NXPE2: variants seen among roughly 807,000 people sequenced by gnomAD.
NXPE2 encodes NXPE family member 2.
In NXPE2, 34 loss-of-function variants were observed where a neutral mutation model predicts 34.4. That is an observed-to-expected ratio of 0.99 (90% CI 0.75 to 1.31). NXPE2 has a LOEUF of 1.31. Ranked by LOEUF, NXPE2 falls within the 40% of genes most tolerant of loss-of-function variation. The pLI is 0.00. For synonymous variants in NXPE2, 235 were observed against 231.3 expected (o/e 1.02, Z -0.15); for missense variants, 649 against 672.5 (o/e 0.97, Z 0.39).
At chr11:114,544,635 C>T in the NXPE2 span, among the ~76,000 whole-genome samples, 3 of 152,106 alleles carry the variant, frequency 2.0e-5, no homozygotes, top group Non-Finnish European at 4.4e-5. Flanking sequence ...AGAAAACACA[C>T]ATGAAAATCT....
At chr11:114,632,516 A>G in the NXPE2 span, among the ~76,000 whole-genome samples, 5 of 123,926 alleles carry the variant, frequency 4.0e-5, no homozygotes, top group African/African-American at 1.5e-4. Context: ...TTTATTTTAT[A>G]TTATATTTTG....
At chr11:114,672,594 A>G in the NXPE2 span, among the ~76,000 whole-genome samples, 1 of 152,086 alleles carries the variant, frequency 6.6e-6, no homozygotes, top group East Asian at 1.9e-4. Context: ...CTTTACATTT[A>G]ATGATACAAG....
At chr11:114,616,009 A>G in the NXPE2 span, among the ~76,000 whole-genome samples, 814 of 151,762 alleles carry the variant, frequency 5.4e-3, 45 homozygotes, top group African/African-American at 0.018. Context: ...CCAGTGGATA[A>G]TAAGTATTGC....
intron 2 of NXPE2, 127 bp downstream of exon 2, chr11:114,679,889 G>A: frequency 1.7e-6 from 1 of 590,870 alleles, no homozygotes; most frequent in African/African-American, 1.9e-5. Flanking sequence ...TGGATCAGGG[G>A]TTCACTGTTC....
the NXPE2 span, among the ~76,000 whole-genome samples, chr11:114,623,624 C>T: frequency 6.6e-6 from 1 of 152,052 alleles, no homozygotes; most frequent in African/African-American, 2.4e-5. Context: ...CCGTTTTACC[C>T]ACTGGATAAT....
At chr11:114,475,246 T>C in the NXPE2 span, among the ~76,000 whole-genome samples, 1 of 83,350 alleles carries the variant, frequency 1.2e-5, no homozygotes, top group African/African-American at 5.8e-5. Flanking sequence ...TTTTTTTTTT[T>C]TTTTTTTTTT....
At chr11:114,620,865 G>C in the NXPE2 span, among the ~76,000 whole-genome samples, 6 of 152,024 alleles carry the variant, frequency 3.9e-5, no homozygotes, top group African/African-American at 1.4e-4. Flanking sequence ...ACTGTTACCC[G>C]ATGGATAATA....
the NXPE2 span, among the ~76,000 whole-genome samples, chr11:114,604,627 CT>C: frequency 2.0e-5 from 3 of 151,982 alleles, no homozygotes; most frequent in South Asian, 2.1e-4. Flanking sequence ...TAAGTATTGC[CT>C]TGTGGGTAAC....
intron 2 of NXPE2, among the ~76,000 whole-genome samples, chr11:114,687,444 G>C (rs1218539426): frequency 3.3e-5 from 5 of 151,890 alleles, no homozygotes; most frequent in African/African-American, 1.2e-4. Flanking sequence ...TTTATTCCAG[G>C]GGTCTCAATT....
the NXPE2 span, among the ~76,000 whole-genome samples, chr11:114,544,453 T>A: frequency 6.6e-6 from 1 of 152,180 alleles, no homozygotes; most frequent in Non-Finnish European, 1.5e-5. Context: ...ATTTTTGACA[T>A]AGGCACAAAG....
the NXPE2 span, among the ~76,000 whole-genome samples, chr11:114,639,851 AATATATATTATATTTT>A: frequency 1.0e-5 from 1 of 99,512 alleles, no homozygotes; most frequent in South Asian, 3.1e-4. Flanking sequence ...TATAAAATAT[AATATATATTATATTTT>A]ATATTAAATA....
At chr11:114,722,395 A>G in the NXPE2 span, among the ~76,000 whole-genome samples, 1 of 150,970 alleles carries the variant, frequency 6.6e-6, no homozygotes, top group Non-Finnish European at 1.5e-5. Context: ...GCCATGTGGA[A>G]CTGTGAATCA....
At chr11:114,527,444 C>T in the NXPE2 span, among the ~76,000 whole-genome samples, 25 of 152,244 alleles carry the variant, frequency 1.6e-4, no homozygotes, top group African/African-American at 5.8e-4. Context: ...CAGATGAAAG[C>T]TCCATATAAA....
At chr11:114,676,541 A>G (rs1251598391), upstream of NXPE2, among the ~76,000 whole-genome samples, 1 of 152,054 alleles carries the variant, frequency 6.6e-6, no homozygotes, top group Admixed American at 6.6e-5. Context: ...GGAAAATGCA[A>G]ATTAAAACTA....
At chr11:114,535,454 G>A in the NXPE2 span, among the ~76,000 whole-genome samples, 1 of 152,086 alleles carries the variant, frequency 6.6e-6, no homozygotes, top group Admixed American at 6.5e-5. Context: ...ATGTAAATGC[G>A]CTAAATTGCT....
At chr11:114,693,248 C>T (rs1279349714) in intron 2 of NXPE2, among the ~76,000 whole-genome samples, 1 of 152,112 alleles carries the variant, frequency 6.6e-6, no homozygotes, top group African/African-American at 2.4e-5. Context: ...AAACCTTCTT[C>T]TTGCCCCATA....
the NXPE2 span, among the ~76,000 whole-genome samples, chr11:114,602,020 AAT>A: frequency 6.8e-5 from 6 of 88,204 alleles, no homozygotes; most frequent in Admixed American, 2.1e-4. Context: ...TATTATATAT[AAT>A]ATATGTTATA....
At chr11:114,502,079 G>A in the NXPE2 span, among the ~76,000 whole-genome samples, 1 of 152,058 alleles carries the variant, frequency 6.6e-6, no homozygotes, top group South Asian at 2.1e-4. Context: ...CAGCATCTCT[G>A]GTCTCTACCC....
At chr11:114,683,146 A>C (rs1467352408) in intron 2 of NXPE2, among the ~76,000 whole-genome samples, 1 of 152,026 alleles carries the variant, frequency 6.6e-6, no homozygotes, top group Non-Finnish European at 1.5e-5. Context: ...AGATCTTATA[A>C]AAGTTTTTGA....
Sources: allele counts gnomAD v4.1 joint callset (sites outside exome capture counted in the v4.1 genomes callset), GRCh38; gene constraint gnomAD v4.1.1; transcripts MANE v1.5; gene names NCBI Gene and HGNC (gene_info 2026-07-23, HGNC 2026-07-21).